Variants in KDM7A observed in about 807,000 individuals in gnomAD.
KDM7A encodes lysine-specific demethylase 7A.
KDM7A carries 28 observed loss-of-function variants against 114.8 expected under a neutral mutation model. The observed-to-expected ratio is 0.24, with a 90% CI of 0.18 to 0.33. KDM7A has a LOEUF of 0.33. Ranked by LOEUF, KDM7A falls within the 10% of genes least tolerant of loss-of-function variation. The probability of loss-of-function intolerance (pLI) is 1.00; values close to 1 mark genes in which losing one functional copy is unlikely to be tolerated. For synonymous variants in KDM7A, 423 were observed against 397.8 expected (o/e 1.06, Z -0.75); for missense variants, 942 against 1,142.5 (o/e 0.82, Z 2.53).
At chr7:140,162,011 G>T (rs1056120329) in intron 1 of KDM7A, among the ~76,000 whole-genome samples, 2 of 152,020 alleles carry the variant, frequency 1.3e-5, no homozygotes, top group East Asian at 3.9e-4. Flanking sequence ...ACAACTTCAT[G>T]ATTTTACTGC....
intron 6 of KDM7A, among the ~76,000 whole-genome samples, chr7:140,125,579 T>C (rs1818685930): frequency 6.6e-6 from 1 of 152,240 alleles, no homozygotes; most frequent in Non-Finnish European, 1.5e-5. Flanking sequence ...TTTGTTTTGT[T>C]TTTTTGAGAT....
At chr7:140,172,630 G>A (rs1451340621) in intron 1 of KDM7A, among the ~76,000 whole-genome samples, 3 of 151,866 alleles carry the variant, frequency 2.0e-5, no homozygotes, top group Non-Finnish European at 4.4e-5. Flanking sequence ...TCCAGCCTGG[G>A]CGACAGAGCG....
chr7:140,148,922 TA>T (rs1018945919), intron 1 of KDM7A, among the ~76,000 whole-genome samples: 1 of 152,230 alleles, frequency 6.6e-6, no homozygotes, highest in African/African-American at 2.4e-5. Flanking sequence ...AGTGGCATAC[TA>T]TATGCTTAAG....
At chr7:140,142,424 A>C (rs960412075) in intron 1 of KDM7A, among the ~76,000 whole-genome samples, 1 of 149,922 alleles carries the variant, frequency 6.7e-6, no homozygotes, top group African/African-American at 2.4e-5. Flanking sequence ...AATCAATACA[A>C]AAAAAAAAAC....
intron 11 of KDM7A, among the ~76,000 whole-genome samples, chr7:140,103,139 G>A (rs1818260808): frequency 6.6e-6 from 1 of 151,682 alleles, no homozygotes; most frequent in African/African-American, 2.4e-5. Context: ...CTCCCTTCCC[G>A]CCAACCCCTA....
At chr7:140,117,431 GAAAA>G (rs1215426221) in intron 9 of KDM7A, among the ~76,000 whole-genome samples, 1 of 143,686 alleles carries the variant, frequency 7.0e-6, no homozygotes, top group Admixed American at 7.0e-5. Flanking sequence ...GACATTAGTA[GAAAA>G]AAAAAAACCA....
chr7:140,100,018 G>A lies in KDM7A; in HGVS notation c.1644C>T (p.Ile548=), dbSNP rs1818176106. 6.2e-7 allele frequency: 1 copy of A among 1,614,148 alleles called. No homozygotes were observed. The highest frequency in any genetic ancestry group is 8.5e-7 in the Non-Finnish European group (1 of 1,179,982). The stretch of plus-strand genomic sequence containing the variant: ...ATTTTCCATTCAGTTTAGAGCTCAA[G>A]ATGTCCTGAAGGTATAAATGCAGAA... ...RLEMCPWEED[I]LSSKLNGKFN... The change falls in exon 13 of 20, where the codon ATC becomes ATT. Residue 548 remains isoleucine, a synonymous_variant. Transcript: ENST00000397560.
intron 9 of KDM7A, among the ~76,000 whole-genome samples, chr7:140,116,472 GA>G (rs1194672165): frequency 5.3e-5 from 8 of 152,260 alleles, no homozygotes; most frequent in Non-Finnish European, 1.2e-4. Context: ...TAAAACTGAA[GA>G]AAAGTATTAA....
intron 18 of KDM7A, among the ~76,000 whole-genome samples, chr7:140,093,416 C>T (rs947292504): frequency 6.6e-6 from 1 of 152,190 alleles, no homozygotes; most frequent in African/African-American, 2.4e-5. Context: ...AATATTTCTG[C>T]CTTTGCTGAT....
At chr7:140,142,424 A>G (rs960412075) in intron 1 of KDM7A, among the ~76,000 whole-genome samples, 10 of 150,030 alleles carry the variant, frequency 6.7e-5, no homozygotes, top group African/African-American at 2.4e-4. Flanking sequence ...AATCAATACA[A>G]AAAAAAAAAC....
chr7:140,130,572 G>T (rs994710430), intron 3 of KDM7A, among the ~76,000 whole-genome samples: 2 of 149,112 alleles, frequency 1.3e-5, no homozygotes, highest in Non-Finnish European at 3.0e-5. Context: ...AGTGAGCCGA[G>T]ATCTCACCAT....
chr7:140,086,150 G>A lies in KDM7A; in HGVS notation c.*4944C>T, dbSNP rs890743963. The stretch of plus-strand genomic sequence containing the variant: ...AGAGAAGTGAATTCAGAGTGTCACA[G>A]GTCTTGCATAGGTAAACTACTTGGA... On this transcript the variant is annotated 3_prime_UTR_variant, in exon 20 of 20. Coordinates refer to ENST00000397560, the MANE Select transcript of KDM7A (RefSeq NM_030647.2). 1.3e-5 allele frequency: 2 copies of A among 152,194 alleles called. No individual in the cohort carries two copies. Among genetic ancestry groups the A allele is most frequent in the Non-Finnish European group, 2.9e-5 (2 of 68,042 alleles). The allele number at this position is 152,194 out of a possible 1,614,324, so 9.4% of individuals were successfully genotyped here.
chr7:140,168,244 C>T (rs1794599608), intron 1 of KDM7A, among the ~76,000 whole-genome samples: 1 of 152,096 alleles, frequency 6.6e-6, no homozygotes, highest in Admixed American at 6.5e-5. Context: ...TAAGCAATCC[C>T]ACTTTTAGCA....
chr7:140,156,718 A>C (rs529809432), intron 1 of KDM7A, among the ~76,000 whole-genome samples: 3 of 152,338 alleles, frequency 2.0e-5, no homozygotes, highest in South Asian at 4.1e-4. Context: ...GACCTGCTTC[A>C]AGTACAAGCT....
intron 10 of KDM7A, 52 bp from the exon 11 acceptor site, chr7:140,111,236 A>T: frequency 8.2e-7 from 1 of 1,216,450 alleles, no homozygotes; most frequent in African/African-American, 1.5e-5. Context: ...ACACTTTAAT[A>T]TGTAAAAACA....
chr7:140,161,703 C>G (rs1049774696), intron 1 of KDM7A, among the ~76,000 whole-genome samples: 2 of 151,844 alleles, frequency 1.3e-5, no homozygotes, highest in Non-Finnish European at 2.9e-5. Context: ...TGCCACCACG[C>G]CCAGCTAATT....
intron 18 of KDM7A, among the ~76,000 whole-genome samples, chr7:140,092,843 A>G (rs1818044048): frequency 6.6e-6 from 1 of 152,232 alleles, no homozygotes; most frequent in African/African-American, 2.4e-5. Flanking sequence ...AATGAATCCT[A>G]TAGTGCTAGT....
intron 9 of KDM7A, among the ~76,000 whole-genome samples, chr7:140,115,817 TAAATAA>T (rs1818518024): frequency 3.9e-5 from 3 of 76,360 alleles, no homozygotes. Context: ...AAAAAATAAA[TAAATAA>T]AAAAAAATAA....
chr7:140,155,987 T>C (rs1338492770), intron 1 of KDM7A, among the ~76,000 whole-genome samples: 3 of 152,208 alleles, frequency 2.0e-5, no homozygotes, highest in African/African-American at 4.8e-5. Context: ...GGTAAAGTGG[T>C]TGCTAGTTTT....
Sources: allele counts gnomAD v4.1 joint callset (sites outside exome capture counted in the v4.1 genomes callset), GRCh38; gene constraint gnomAD v4.1.1; transcripts MANE v1.5; gene names NCBI Gene and HGNC (gene_info 2026-07-23, HGNC 2026-07-21).